Variants in TRIOBP observed in about 807,000 individuals in gnomAD.
TRIOBP encodes TRIO and F-actin-binding protein.
Under a neutral mutation model 238.8 loss-of-function variants are expected in TRIOBP, and 169 were observed. The ratio of observed to expected loss-of-function variants is 0.71; its 90% confidence interval spans 0.62 to 0.80. TRIOBP has a LOEUF of 0.80. Among genes scored for constraint, TRIOBP ranks in the 30% least tolerant of loss-of-function variants. The pLI is 0.00. For missense variants in TRIOBP, 2,838 were observed against 3,122.6 expected, an observed-to-expected ratio of 0.91 and a Z score of 2.17; for synonymous variants, 1,150 against 1,274.4, an observed-to-expected ratio of 0.90 and a Z score of 2.08.
In TRIOBP at chr22:37,724,656, T is replaced by C; in HGVS notation, c.2100T>C (p.Cys700=). Residue 700 remains cysteine, a synonymous_variant, in exon 7 of 24, where the codon TGT becomes TGC. Coordinates refer to ENST00000644935, the MANE Select transcript of TRIOBP (RefSeq NM_001039141.3). ...TIQQENPRTS[C]AQRDDPRASS... ...AACAAGAGAACCCCAGAACATCCTG[T>C]GCCCAACGGGACGATCCCAGAGCCT... The C allele has an allele frequency of 6.2e-7, 1 of 1,609,790 alleles. No individual in the cohort carries two copies. Among genetic ancestry groups the C allele is most frequent in the East Asian group, 2.2e-5 (1 of 44,670 alleles).
At chr22:37,710,393 G>C in intron 3 of TRIOBP, 34 bp from the exon 4 acceptor site, 2 of 1,611,576 alleles carry the variant, frequency 1.2e-6, no homozygotes, top group Non-Finnish European at 1.7e-6. Context: ...CCACGTGGGC[G>C]CTGAGCTGTC....
At chr22:37,729,439 C>T (rs1441500997) in intron 7 of TRIOBP, among the ~76,000 whole-genome samples, 6 of 152,168 alleles carry the variant, frequency 3.9e-5, no homozygotes, top group Non-Finnish European at 5.9e-5. Flanking sequence ...TGGTCTCAAA[C>T]TCCTGGCCTC....
In TRIOBP at chr22:37,759,227, A is replaced by T; in HGVS notation, c.6287A>T (p.Gln2096Leu). The T allele has an allele frequency of 6.2e-7, 1 of 1,612,990 alleles. No homozygotes were observed. Among genetic ancestry groups the T allele is most frequent in the Non-Finnish European group, 8.5e-7 (1 of 1,179,958 alleles). ...GCTCCTCAGAGTGCACTGAGATCCCAGGAGGATGGCCACATCCCCCCGGGC... is the reference window on the plus strand; with the variant it reads ...GCTCCTCAGAGTGCACTGAGATCCCTGGAGGATGGCCACATCCCCCCGGGC... The part of the protein sequence containing the change: ...GEAPQSALRS[Q>L]EDGHIPPGYI... The change falls in exon 17 of 24, where the codon CAG (glutamine) becomes CTG (leucine). Residue 2096 changes from glutamine (Q) to leucine (L), a missense_variant. Around this residue, in one of 5 missense-constraint regions of TRIOBP, gnomAD observed 2,096 missense variants for 2,137.4 expected, o/e 0.98. Coordinates refer to ENST00000644935, the MANE Select transcript of TRIOBP (RefSeq NM_001039141.3).
chr22:37,713,185 T>A, intron 4 of TRIOBP, 25 bp from the exon 5 acceptor site: 1 of 1,603,172 alleles, frequency 6.2e-7, no homozygotes, highest in East Asian at 2.2e-5. Context: ...TCCCCATTAC[T>A]TTTTGGGTCT....
chr22:37,766,496 C>T (rs1926499735), intron 18 of TRIOBP, among the ~76,000 whole-genome samples: 1 of 152,274 alleles, frequency 6.6e-6, no homozygotes, highest in East Asian at 1.9e-4. Flanking sequence ...AGGAAGATCG[C>T]CTTTGCAGCC....
chr22:37,723,306 T>A lies in TRIOBP; in HGVS notation c.750T>A (p.Ser250Arg), dbSNP rs1331457594. Reference sequence around the variant, plus strand: ...AGGCTTCCTCCATGACACCACACAGTGGACCTCGAAGCACCACGTCTCAGG... The same window carrying A: ...AGGCTTCCTCCATGACACCACACAGAGGACCTCGAAGCACCACGTCTCAGG... ...LTQASSMTPH[S>R]GPRSTTSQAS... The change falls in exon 7 of 24, where the codon AGT becomes AGA. Residue 250 changes from serine (S) to arginine (R), a missense_variant. Coordinates refer to ENST00000644935, the MANE Select transcript of TRIOBP (RefSeq NM_001039141.3). 3.7e-6 allele frequency: 6 copies of A among 1,614,076 alleles called. No individual in the cohort carries two copies. The South Asian group carries it at 6.6e-5, about 18-fold the overall frequency.
At position 37,734,887 on chromosome 22, in the gene TRIOBP, G is replaced by T; in HGVS notation, c.4551G>T (p.Glu1517Asp). The part of the protein sequence containing the change: ...GKRSPLTSPP[E>D]NWGGPAESSQ... ...GAAGCCCACTCACGAGCCCCCCTGA[G>T]AACTGGGGAGGCCCCGCAGAGTCCT... Residue 1517 changes from glutamate (E) to aspartate (D), a missense_variant, in exon 9 of 24, where the codon GAG becomes GAT. Glu to Asp is a conservative substitution (Grantham distance 45). Around this residue, in one of 5 missense-constraint regions of TRIOBP, gnomAD observed 2,096 missense variants for 2,137.4 expected, o/e 0.98. Transcript: ENST00000644935. The T allele has an allele frequency of 1.9e-6, 3 of 1,613,208 alleles. No homozygotes were observed. Among genetic ancestry groups the T allele is most frequent in the Non-Finnish European group, 2.5e-6 (3 of 1,180,002 alleles).
Position 37,740,947 on chromosome 22 carries a change from T to C in TRIOBP, c.5237T>C (p.Leu1746Pro), listed in dbSNP as rs1290422979. 3 of 1,568,710 alleles carry C rather than the reference T, an allele frequency of 1.9e-6. No homozygotes were observed. Among genetic ancestry groups the C allele is most frequent in the Non-Finnish European group, 8.6e-7 (1 of 1,156,624 alleles). The change falls in exon 11 of 24, where the codon CTG (leucine) becomes CCG (proline). Residue 1746 changes from leucine (L) to proline (P), a missense_variant. Physicochemically the swap from Leu to Pro is moderately conservative, Grantham distance 98. Coordinates refer to ENST00000644935, the MANE Select transcript of TRIOBP (RefSeq NM_001039141.3). ...GKAGSPLKGR[L>P]VTSWRMPGDR... Reference sequence around the variant, plus strand: ...GCTGGGAGCCCGCTCAAGGGCCGACTGGTGACCTCATGGCGGATGCCCGGG... The same window carrying C: ...GCTGGGAGCCCGCTCAAGGGCCGACCGGTGACCTCATGGCGGATGCCCGGG...
chr22:37,743,483 T>C (rs573430333), intron 11 of TRIOBP, among the ~76,000 whole-genome samples: 4 of 152,306 alleles, frequency 2.6e-5, no homozygotes, highest in African/African-American at 9.6e-5. Flanking sequence ...GGTTTCTTCA[T>C]TGGTGCATTC....
intron 3 of TRIOBP, among the ~76,000 whole-genome samples, chr22:37,703,909 C>G (rs1489644998): frequency 2.0e-5 from 3 of 152,158 alleles, no homozygotes; most frequent in South Asian, 2.1e-4. Flanking sequence ...AAATGACTTT[C>G]TTCCAGTGGT....
In TRIOBP at chr22:37,721,467, G is replaced by A. The variant is rs538687265; in HGVS notation, c.629-1718G>A. 7.3e-4 allele frequency among the ~76,000 whole-genome samples: 111 copies of A among 152,244 alleles called. 1 individual carries two copies. Among genetic ancestry groups the A allele is most frequent in the African/African-American group, 2.6e-3 (109 of 41,546 alleles). On this transcript the variant is annotated intron_variant, in intron 6 of 23. Transcript: ENST00000644935. Reference sequence around the variant, plus strand: ...AGGGGATCTGCATGAAGGCAACTGTGGCTACTTTTTTGTTTCGTTTTTTGT... The same window carrying A: ...AGGGGATCTGCATGAAGGCAACTGTAGCTACTTTTTTGTTTCGTTTTTTGT...
At position 37,724,896 on chromosome 22, in the gene TRIOBP, C is replaced by T. The variant is rs1023695152; in HGVS notation, c.2340C>T (p.Thr780=). Residue 780 remains threonine, a synonymous_variant, in exon 7 of 24, where the codon ACC becomes ACT. Transcript: ENST00000644935. ...GTACCCGACAGGACAATCCCAGGAC[C>T]TCCTCTCCCAATAGAGCCACACGAG... ...TSCTRQDNPR[T]SSPNRATRDN... is the part of the protein sequence containing the mutation. The T allele has an allele frequency of 1.9e-6, 3 of 1,613,178 alleles. No homozygotes were observed. The highest frequency in any genetic ancestry group is 1.3e-5 in the African/African-American group (1 of 74,578).
intron 3 of TRIOBP, among the ~76,000 whole-genome samples, chr22:37,708,693 T>G (rs1409926068): frequency 6.6e-6 from 1 of 152,218 alleles, no homozygotes; most frequent in Non-Finnish European, 1.5e-5. Context: ...TCTTGGTCGC[T>G]TCTCAGCCTC....
At chr22:37,736,955 C>T (rs1924702974) in intron 9 of TRIOBP, among the ~76,000 whole-genome samples, 1 of 152,242 alleles carries the variant, frequency 6.6e-6, no homozygotes, top group Non-Finnish European at 1.5e-5. Flanking sequence ...CACCACGTCA[C>T]AAAGCTCCTG....
rs1392300069 is a variant in TRIOBP at position 37,734,901 on chromosome 22, C to T, written c.4565C>T (p.Pro1522Leu). ...LTSPPENWGG[P>L]AESSQSWHSG... Reference sequence around the variant, plus strand: ...AGCCCCCCTGAGAACTGGGGAGGCCCCGCAGAGTCCTCACAATCCTGGCAC... The same window carrying T: ...AGCCCCCCTGAGAACTGGGGAGGCCTCGCAGAGTCCTCACAATCCTGGCAC... Residue 1522 changes from proline (P) to leucine (L), a missense_variant, in exon 9 of 24, where the codon CCC becomes CTC. Pro to Leu is a moderately conservative substitution (Grantham distance 98). This residue lies in a region of TRIOBP where 2,096 missense variants were observed against 2,137.4 expected (regional missense o/e 0.98). Transcript: ENST00000644935. 4 of 1,613,138 alleles carry T rather than the reference C, an allele frequency of 2.5e-6. No homozygotes were observed. In the Admixed American group the frequency reaches 5.0e-5, roughly 20 times the overall value.
At chr22:37,771,792 C>T (rs763505268) in intron 22 of TRIOBP, 56 bp downstream of exon 22, 3 of 1,521,346 alleles carry the variant, frequency 2.0e-6, no homozygotes, top group South Asian at 2.3e-5. Context: ...ATCTGGATGC[C>T]ATCCTGTGAG....
chr22:37,770,449 C>CAAA (rs551177241), intron 21 of TRIOBP, among the ~76,000 whole-genome samples: 4 of 111,216 alleles, frequency 3.6e-5, no homozygotes, highest in South Asian at 3.5e-4. Flanking sequence ...GACTCCGTCT[C>CAAA]AAAAAAAAAA....
At chr22:37,758,204 TGCCCTG>T in intron 16 of TRIOBP, 66 bp downstream of exon 16, 1 of 1,586,348 alleles carries the variant, frequency 6.3e-7, no homozygotes, top group Non-Finnish European at 8.6e-7. Flanking sequence ...CCTGCATTCA[TGCCCTG>T]GCATTTGTCT....
rs2145857345 is a variant in TRIOBP at position 37,747,658 on chromosome 22, CAGG to C, written c.5323-4108_5323-4106del. 1.3e-5 allele frequency among the ~76,000 whole-genome samples: 2 copies of C among 152,348 alleles called. 1 individual carries two copies. The highest frequency in any genetic ancestry group is 4.1e-4 in the South Asian group (2 of 4,826). On this transcript the variant is annotated intron_variant, in intron 11 of 23. Coordinates refer to ENST00000644935, the MANE Select transcript of TRIOBP (RefSeq NM_001039141.3). The stretch of plus-strand genomic sequence containing the variant: ...AGGAGCTGAGTCAGTGTCCTGGGGC[CAGG>C]AGGAGAGAAGTTGCCTTGCCCACCG...
Sources: allele counts gnomAD v4.1 joint callset (sites outside exome capture counted in the v4.1 genomes callset), GRCh38; gene constraint gnomAD v4.1.1; regional missense constraint gnomAD v4.1.1; transcripts MANE v1.5; gene names NCBI Gene and HGNC (gene_info 2026-07-23, HGNC 2026-07-21).